The following MARK4 variants were observed in gnomAD, a reference collection of about 807,000 sequenced individuals.
MARK4 encodes the protein microtubule affinity regulating kinase 4, also known as MAP/microtubule affinity-regulating kinase 4.
In MARK4, 19 loss-of-function variants were observed where a neutral mutation model predicts 81.5. The observed-to-expected ratio is 0.23, with a 90% CI of 0.16 to 0.34. The LOEUF is 0.34. MARK4 is among the 10% of genes least tolerant of loss of function. The pLI is 1.00. For synonymous variants in MARK4, 436 were observed against 439.0 expected (o/e 0.99, Z 0.08); for missense variants, 772 against 1,058.8 (o/e 0.73, Z 3.76).
At chr19:45,298,677 T>C (rs1970924973) in intron 15 of MARK4, among the ~76,000 whole-genome samples, 1 of 152,146 alleles carries the variant, frequency 6.6e-6, no homozygotes, top group African/African-American at 2.4e-5. Context: ...ACTCCTGCCC[T>C]GGCAGACCCA....
chr19:45,265,299 CAGGTATGT>C (rs1011205616), intron 6 of MARK4, among the ~76,000 whole-genome samples: 15 of 151,684 alleles, frequency 9.9e-5, no homozygotes, highest in Non-Finnish European at 1.5e-4. Flanking sequence ...TGTGGGTGCC[CAGGTATGT>C]AGGTATGTAG....
At position 45,303,892 on chromosome 19, in the gene MARK4, T is replaced by C. The variant is rs1214817176; in HGVS notation, c.*1182T>C. The C allele has an allele frequency of 6.6e-6, 1 of 152,202 alleles. No individual in the cohort carries two copies. The highest frequency in any genetic ancestry group is 1.5e-5 in the Non-Finnish European group (1 of 68,042). 9.4% of individuals were successfully genotyped at this position (152,202 alleles called of 1,614,324 possible). ...GGATGAGTAGGAGTTAGTTAGGCATTGAGTTTGCCCTGGGCAAAAGCCCAG... is the reference window on the plus strand; with the variant it reads ...GGATGAGTAGGAGTTAGTTAGGCATCGAGTTTGCCCTGGGCAAAAGCCCAG... On this transcript the variant is annotated 3_prime_UTR_variant, in exon 17 of 17. Transcript: ENST00000262891.
intron 14 of MARK4, among the ~76,000 whole-genome samples, chr19:45,295,025 TGG>T (rs1970868266): frequency 6.6e-6 from 1 of 152,002 alleles, no homozygotes; most frequent in African/African-American, 2.4e-5. Context: ...GTGTTCCCAC[TGG>T]GTGTGGGCAG....
intron 12 of MARK4, among the ~76,000 whole-genome samples, chr19:45,283,961 C>T (rs930853045): frequency 2.0e-5 from 3 of 151,944 alleles, no homozygotes; most frequent in Non-Finnish European, 4.4e-5. Flanking sequence ...TCTTTTTTTT[C>T]TCTGTCTTAC....
chr19:45,302,592 T>TGGAG lies in MARK4; in HGVS notation c.2143_2146dup (p.Val716GlyfsTer128). On this transcript the variant is annotated frameshift_variant, in exon 17 of 17. Transcript: ENST00000262891. LOFTEE classifies it high-confidence loss of function. This position sits in a 1 kb window ranked among gnomAD's most constrained non-coding sequence, Gnocchi z 4.9. ...CCCGAGCCCCTGTCCCACTTCGAAG[T>TGGAG]GGAGGTCTGCCAGCTGCCCCGGCCA... The TGGAG allele has an allele frequency of 6.4e-7, 1 of 1,571,694 alleles. No homozygotes were observed. Among genetic ancestry groups the TGGAG allele is most frequent in the Non-Finnish European group, 8.6e-7 (1 of 1,165,588 alleles).
At chr19:45,273,064 A>G (rs2035671986) in intron 8 of MARK4, among the ~76,000 whole-genome samples, 1 of 151,936 alleles carries the variant, frequency 6.6e-6, no homozygotes, top group Non-Finnish European at 1.5e-5. Flanking sequence ...ATGATATCAG[A>G]TGCTGGCCTG....
intron 8 of MARK4, 98 bp from the exon 9 acceptor site, chr19:45,277,823 TTG>T (rs58592372): frequency 0.28 from 206,988 of 726,968 alleles, 16,438 homozygotes; most frequent in East Asian, 0.41. Context: ...GGGACAAAGG[TTG>T]TGTGTGTGTG....
intron 2 of MARK4, among the ~76,000 whole-genome samples, chr19:45,260,476 G>A (rs1970366994): frequency 6.6e-6 from 1 of 151,652 alleles, no homozygotes; most frequent in South Asian, 2.1e-4. Context: ...TGGATCACCT[G>A]AGGTCAGGAG....
At chr19:45,288,652 C>T (rs936825226) in intron 13 of MARK4, 1 of 151,616 alleles carries the variant, frequency 6.6e-6, no homozygotes, top group Non-Finnish European at 1.5e-5. Context: ...AGATCGAGAC[C>T]GTCGTGGCTA....
intron 16 of MARK4, among the ~76,000 whole-genome samples, chr19:45,300,862 A>C (rs1332188626): frequency 6.6e-6 from 1 of 152,082 alleles, no homozygotes; most frequent in African/African-American, 2.4e-5. Context: ...CCCTTGACCC[A>C]AGCACAGTGG....
chr19:45,272,424 C>T (rs1382490138), intron 8 of MARK4, among the ~76,000 whole-genome samples: 1 of 152,152 alleles, frequency 6.6e-6, no homozygotes, highest in African/African-American at 2.4e-5. Flanking sequence ...AAGCCAGTCA[C>T]ATAAGGCCAC....
intron 6 of MARK4, 101 bp from the exon 7 acceptor site, chr19:45,266,124 T>G: frequency 8.5e-7 from 1 of 1,177,100 alleles, no homozygotes; most frequent in South Asian, 1.2e-5. Flanking sequence ...GGCTGTGCCT[T>G]GGGGAGGCCT....
intron 9 of MARK4, 137 bp downstream of exon 9, chr19:45,278,179 G>T (rs376826420): frequency 2.3e-6 from 3 of 1,306,152 alleles, no homozygotes; most frequent in African/African-American, 3.0e-5. Flanking sequence ...GCTGGTGAGT[G>T]GGGGTAGACA....
chr19:45,263,663 G>A lies in MARK4; in HGVS notation c.355+296G>A, dbSNP rs551516550. ...AGGCTGAGGCAGGAGAATTGCTTGA[G>A]CCCAGGAGCCAGAGGTTGCAGTGAG... On this transcript the variant is annotated intron_variant, in intron 4 of 16. Transcript: ENST00000262891. 5.3e-5 allele frequency among the ~76,000 whole-genome samples: 8 copies of A among 151,272 alleles called. No individual in the cohort carries two copies. The South Asian group carries it at 1.7e-3, about 32-fold the overall frequency.
At chr19:45,278,478 C>T (rs1970630218) in intron 9 of MARK4, 38 bp from the exon 10 acceptor site, 5 of 1,566,018 alleles carry the variant, frequency 3.2e-6, no homozygotes, top group Non-Finnish European at 4.4e-6. Context: ...TTCCTTCTGA[C>T]ACCTGTCTTC....
At chr19:45,301,468 A>AATT (rs2123116861) in intron 16 of MARK4, among the ~76,000 whole-genome samples, 1 of 147,228 alleles carries the variant, frequency 6.8e-6, no homozygotes, top group South Asian at 2.2e-4. Flanking sequence ...GAGGCAGGAG[A>AATT]ATTGCTTGAA....
chr19:45,299,064 TAAAA>T (rs59720430), intron 15 of MARK4, among the ~76,000 whole-genome samples: 96 of 84,994 alleles, frequency 1.1e-3, no homozygotes, highest in South Asian at 5.8e-3. Context: ...AACCTGTCTC[TAAAA>T]AAAAAAAAAA....
intron 12 of MARK4, among the ~76,000 whole-genome samples, chr19:45,284,908 T>C (rs1970722292): frequency 1.3e-5 from 2 of 152,006 alleles, no homozygotes; most frequent in Non-Finnish European, 2.9e-5. Context: ...CTGGCCAACA[T>C]GGTGAAACCC....
chr19:45,261,933 CAAA>C (rs11308460), intron 2 of MARK4, among the ~76,000 whole-genome samples: 2 of 140,432 alleles, frequency 1.4e-5, no homozygotes, highest in Admixed American at 1.4e-4. Flanking sequence ...AACTCTGTCT[CAAA>C]AAAAAAAAAA....
Sources: allele counts gnomAD v4.1 joint callset (sites outside exome capture counted in the v4.1 genomes callset), GRCh38; gene constraint gnomAD v4.1.1; non-coding constraint Gnocchi (gnomAD v3.1); transcripts MANE v1.5; gene names NCBI Gene and HGNC (gene_info 2026-07-23, HGNC 2026-07-21).